Variants in GRIK5 observed in about 807,000 individuals in gnomAD.
GRIK5 encodes the protein glutamate receptor ionotropic, kainate 5.
GRIK5 carries 43 observed loss-of-function variants against 97.4 expected under a neutral mutation model. The ratio of observed to expected loss-of-function variants is 0.44; its 90% CI spans 0.35 to 0.57. The LOEUF is 0.57. Among genes scored for constraint, GRIK5 ranks in the 20% least tolerant of loss-of-function variants. The probability of loss-of-function intolerance (pLI) is 0.01; values close to 1 mark genes in which losing one functional copy is unlikely to be tolerated. For missense variants in GRIK5, 1,015 were observed against 1,382.0 expected, an observed-to-expected ratio of 0.73 and a Z score of 4.21; for synonymous variants, 580 against 583.5, an observed-to-expected ratio of 0.99 and a Z score of 0.09.
Position 42,042,482 on chromosome 19 carries a change from G to T in GRIK5, c.1473+70C>A. 7.2e-7 allele frequency: 1 copy of T among 1,391,650 alleles called. No individual in the cohort carries two copies. Among genetic ancestry groups the T allele is most frequent in the South Asian group, 1.2e-5 (1 of 80,012 alleles). The allele number at this position is 1,391,650 out of a possible 1,614,324, so 86.2% of individuals were successfully genotyped here. A position where few individuals can be genotyped will look rare whatever the true frequency, so the allele number is the denominator to read the frequency against. ...CCAGGCTGCTTCTGAGGTTCGACTG[G>T]CTGCCCAGCTGCCCGCCCTCCCTCA... On this transcript the variant is annotated intron_variant, in intron 12 of 19. Coordinates refer to ENST00000593562, the MANE Select transcript of GRIK5 (RefSeq NM_002088.5). This position sits in a 1 kb window ranked among gnomAD's most constrained non-coding sequence, Gnocchi z 6.9.
At chr19:42,027,298 T>C (rs962794187) in intron 12 of GRIK5, among the ~76,000 whole-genome samples, 1 of 151,466 alleles carries the variant, frequency 6.6e-6, no homozygotes, top group African/African-American at 2.4e-5. Context: ...GCAAGGGGGG[T>C]CTTATTTGAA....
intron 12 of GRIK5, among the ~76,000 whole-genome samples, chr19:42,038,224 C>T (rs978520230): frequency 3.9e-5 from 6 of 152,328 alleles, no homozygotes; most frequent in African/African-American, 1.2e-4. Flanking sequence ...CCTGAATTCA[C>T]ACCATGGCAG....
At position 42,003,305 on chromosome 19, in the gene GRIK5, G is replaced by GGGCCCCCCCCCCCCC; in HGVS notation, c.2514+26_2514+27insGGGGGGGGGGGGGCC. ...TCAGCCCCTGGGGGTCCCTGTTCCTGCCCACCCCCACCCCCAGCCTCCTCA... is the reference window on the plus strand; with the variant it reads ...TCAGCCCCTGGGGGTCCCTGTTCCTGGGCCCCCCCCCCCCCCCCACCCCCACCCCCAGCCTCCTCA... On this transcript the variant is annotated intron_variant, in intron 19 of 19. Coordinates refer to ENST00000593562, the MANE Select transcript of GRIK5 (RefSeq NM_002088.5). This position sits in a 1 kb window ranked among gnomAD's most constrained non-coding sequence, Gnocchi z 4.2. 5 of 1,540,742 alleles carry GGGCCCCCCCCCCCCC rather than the reference G, an allele frequency of 3.2e-6. No individual in the cohort carries two copies. The highest frequency in any genetic ancestry group is 4.5e-6 in the Non-Finnish European group (5 of 1,118,202).
intron 11 of GRIK5, 112 bp downstream of exon 11, chr19:42,053,490 C>T: frequency 1.5e-6 from 1 of 673,606 alleles, no homozygotes; most frequent in East Asian, 2.6e-5. Context: ...GGAATCCCAG[C>T]CCCCACTGGC....
At chr19:42,034,850 A>T (rs1886313267) in intron 12 of GRIK5, among the ~76,000 whole-genome samples, 2 of 127,658 alleles carry the variant, frequency 1.6e-5, no homozygotes, top group Admixed American at 1.7e-4. Flanking sequence ...GAACATCAGC[A>T]GTTGGGGCGG....
chr19:42,005,915 TC>T lies in GRIK5; in HGVS notation c.2070del (p.Trp690Ter). The stretch of plus-strand genomic sequence containing the variant: ...CTGGGCTGCTTCGACTGCATGTAGT[TC>T]CACATGCGCTGGTACGTTTGGTACC... ...NSRYQTYQRMWNYMQSKQPSV... is the reference protein window; with the variant it reads ...NSRYQTYQRMXNYMQSKQPSV... On this transcript the variant is annotated frameshift_variant, in exon 17 of 20. Coordinates refer to ENST00000593562, the MANE Select transcript of GRIK5 (RefSeq NM_002088.5). LOFTEE classifies it high-confidence loss of function. The T allele has an allele frequency of 6.3e-7, 1 of 1,593,562 alleles. No individual in the cohort carries two copies. The highest frequency in any genetic ancestry group is 8.6e-7 in the Non-Finnish European group (1 of 1,163,730).
At position 42,003,296 on chromosome 19, in the gene GRIK5, C is replaced by T. The variant is rs781987187; in HGVS notation, c.2514+36G>A. The stretch of plus-strand genomic sequence containing the variant: ...TCACGCACCTCAGCCCCTGGGGGTC[C>T]CTGTTCCTGCCCACCCCCACCCCCA... On this transcript the variant is annotated intron_variant, in intron 19 of 19. Coordinates refer to ENST00000593562, the MANE Select transcript of GRIK5 (RefSeq NM_002088.5). The surrounding 1 kb of genome is among the most constrained non-coding windows in gnomAD (Gnocchi z 4.2). 8.8e-6 allele frequency: 14 copies of T among 1,593,376 alleles called. No individual in the cohort carries two copies. Among genetic ancestry groups the T allele is most frequent in the Non-Finnish European group, 1.2e-5 (14 of 1,165,858 alleles).
At chr19:42,053,553 C>T (rs776329150) in intron 11 of GRIK5, 49 bp downstream of exon 11, 1 of 1,112,608 alleles carries the variant, frequency 9.0e-7, no homozygotes, top group Non-Finnish European at 1.4e-6. Context: ...GGAGCTAGGA[C>T]TGGGCTCAGG....
At chr19:42,009,117 A>G (rs1187062217) in intron 15 of GRIK5, among the ~76,000 whole-genome samples, 1 of 152,052 alleles carries the variant, frequency 6.6e-6, no homozygotes, top group African/African-American at 2.4e-5. Context: ...AGTCCCAGCA[A>G]CTTGAGAGGC....
Position 42,021,507 on chromosome 19 carries a change from C to T in GRIK5, c.1698-33G>A. The T allele has an allele frequency of 6.7e-7, 1 of 1,486,354 alleles. No homozygotes were observed. Among genetic ancestry groups the T allele is most frequent in the Admixed American group, 2.5e-5 (1 of 40,812 alleles). 92.1% of individuals were successfully genotyped at this position (1,486,354 alleles called of 1,614,324 possible). A position where few individuals can be genotyped will look rare whatever the true frequency, so the allele number is the denominator to read the frequency against. ...GAGACGTGCAGCGTGTGGATGGGGC[C>T]CAGAGCCCAGGTGGGGAGGAAAAGG... is the stretch of plus-strand genomic sequence containing the variant. On this transcript the variant is annotated intron_variant, in intron 14 of 19. Transcript: ENST00000593562. This position sits in a 1 kb window ranked among gnomAD's most constrained non-coding sequence, Gnocchi z 4.2.
chr19:42,067,673 G>A (rs2076355969), intron 1 of GRIK5, among the ~76,000 whole-genome samples: 1 of 152,172 alleles, frequency 6.6e-6, no homozygotes, highest in South Asian at 2.1e-4. Flanking sequence ...ACAGGTGGCA[G>A]CCAAAGGTGG....
chr19:42,034,804 TATTAA>T (rs2075881695), intron 12 of GRIK5, among the ~76,000 whole-genome samples: 1 of 141,712 alleles, frequency 7.1e-6, no homozygotes, highest in Non-Finnish European at 1.5e-5. Context: ...CCTAACACGA[TATTAA>T]TATATCATAC....
chr19:42,055,827 C>T (rs1166688500), intron 8 of GRIK5, among the ~76,000 whole-genome samples: 3 of 151,874 alleles, frequency 2.0e-5, no homozygotes, highest in African/African-American at 7.3e-5. Flanking sequence ...GGATTACAGG[C>T]ATACGCCACC....
At chr19:42,015,357 C>T (rs2075611862) in intron 15 of GRIK5, among the ~76,000 whole-genome samples, 1 of 152,180 alleles carries the variant, frequency 6.6e-6, no homozygotes, top group African/African-American at 2.4e-5. Context: ...ACATTCAGTG[C>T]AACTCCACAT....
intron 9 of GRIK5, 121 bp downstream of exon 9, chr19:42,054,199 G>C (rs1430760061): frequency 5.7e-6 from 6 of 1,056,172 alleles, no homozygotes; most frequent in Non-Finnish European, 8.4e-6. Flanking sequence ...AGTGGACAGG[G>C]GAGGCAGTGG....
At chr19:42,038,520 T>G (rs903994770) in intron 12 of GRIK5, among the ~76,000 whole-genome samples, 1 of 152,232 alleles carries the variant, frequency 6.6e-6, no homozygotes, top group Non-Finnish European at 1.5e-5. Flanking sequence ...TCTCACTGGG[T>G]GGCCATGAGG....
intron 11 of GRIK5, among the ~76,000 whole-genome samples, chr19:42,049,204 C>T (rs931133128): frequency 6.6e-6 from 1 of 152,196 alleles, no homozygotes; most frequent in East Asian, 1.9e-4. Context: ...CATTCATTCG[C>T]TGCCGCTGGG....
chr19:42,054,207 T>C (rs2076152534), intron 9 of GRIK5, 113 bp downstream of exon 9: 2 of 1,139,200 alleles, frequency 1.8e-6, no homozygotes, highest in East Asian at 4.7e-5. Context: ...GGGGAGGCAG[T>C]GGGTACGGTG....
At chr19:42,043,298 T>G (rs2076002094) in intron 11 of GRIK5, among the ~76,000 whole-genome samples, 1 of 152,026 alleles carries the variant, frequency 6.6e-6, no homozygotes, top group Non-Finnish European at 1.5e-5. Context: ...CAAACCAACT[T>G]CATGAGCCAC....
Sources: allele counts gnomAD v4.1 joint callset (sites outside exome capture counted in the v4.1 genomes callset), GRCh38; gene constraint gnomAD v4.1.1; non-coding constraint Gnocchi (gnomAD v3.1); transcripts MANE v1.5; gene names NCBI Gene and HGNC (gene_info 2026-07-23, HGNC 2026-07-21).